Variants in CPLANE1 observed in about 807,000 individuals in gnomAD.
CPLANE1 encodes the protein ciliogenesis and planar polarity effector complex subunit 1, also known as ciliogenesis and planar polarity effector 1.
A neutral mutation model predicts 362.5 loss-of-function variants in CPLANE1; 263 were observed. The observed-to-expected ratio is 0.73, with a 90% CI of 0.66 to 0.80. CPLANE1 has a LOEUF of 0.80. CPLANE1 is among the 30% of genes least tolerant of loss of function. CPLANE1 has a pLI of 0.00. For synonymous variants in CPLANE1, 1,212 were observed against 1,302.6 expected (o/e 0.93, Z 1.50); for missense variants, 3,461 against 3,793.4 (o/e 0.91, Z 2.30).
chr5:37,147,867 A>G (rs780722810), intron 43 of CPLANE1, among the ~76,000 whole-genome samples: 7 of 151,092 alleles, frequency 4.6e-5, no homozygotes, highest in South Asian at 2.1e-4. Context: ...GCTCTGTGCA[A>G]TCCTCAGCAC....
At chr5:37,103,922 T>C (rs749319579), downstream of CPLANE1, among the ~76,000 whole-genome samples, 5 of 152,168 alleles carry the variant, frequency 3.3e-5, no homozygotes, top group African/African-American at 4.8e-5. Flanking sequence ...TCTTGCTAGG[T>C]TGGGGAAGTT....
chr5:37,198,743 A>T lies in CPLANE1; in HGVS notation c.3631T>A (p.Tyr1211Asn). 2 of 1,614,130 alleles carry T rather than the reference A, an allele frequency of 1.2e-6. No individual in the cohort carries two copies. Among genetic ancestry groups the T allele is most frequent in the Non-Finnish European group, 1.7e-6 (2 of 1,180,022 alleles). ...AQCSFPVAQW[Y>N]ILQLRWARKV... is the part of the protein sequence containing the mutation. ...CTTGCCCACCTCAACTGCAATATAT[A>T]CCACTGTGCTACAGGAAAAGAACAC... is the stretch of plus-strand genomic sequence containing the variant. The change falls in exon 20 of 53, where the codon TAT becomes AAT. Residue 1211 changes from tyrosine to asparagine, a missense_variant. Around this residue, in one of 2 missense-constraint regions of CPLANE1, gnomAD observed 3,380 missense variants for 3,666.1 expected, o/e 0.92. Transcript: ENST00000651892.
intron 8 of CPLANE1, among the ~76,000 whole-genome samples, chr5:37,236,914 A>T (rs557378488): frequency 6.6e-6 from 1 of 152,248 alleles, no homozygotes; most frequent in African/African-American, 2.4e-5. Context: ...AAAAAACAAC[A>T]TGTTGGCAAG....
chr5:37,115,414 A>C (rs968766410), intron 50 of CPLANE1, among the ~76,000 whole-genome samples: 1 of 152,144 alleles, frequency 6.6e-6, no homozygotes, highest in African/African-American at 2.4e-5. Context: ...CCGAATGATT[A>C]GTTTCTTAAA....
chr5:37,124,535 AG>A (rs540512487), intron 47 of CPLANE1, among the ~76,000 whole-genome samples: 94 of 152,196 alleles, frequency 6.2e-4, no homozygotes, highest in African/African-American at 2.2e-3. Context: ...AGAAAATTGA[AG>A]GGTTTTTTAT....
chr5:37,190,674 A>T (rs1217357117), intron 21 of CPLANE1, among the ~76,000 whole-genome samples: 2 of 152,246 alleles, frequency 1.3e-5, no homozygotes, highest in African/African-American at 4.8e-5. Flanking sequence ...TAGATAACAT[A>T]GTCAGATGCC....
intron 42 of CPLANE1, among the ~76,000 whole-genome samples, chr5:37,152,253 T>G (rs566511700): frequency 6.6e-6 from 1 of 152,198 alleles, no homozygotes; most frequent in East Asian, 1.9e-4. Context: ...AATAGCTTAC[T>G]GCAGCCTTGA....
chr5:37,181,791 G>A (rs954379648), intron 26 of CPLANE1, among the ~76,000 whole-genome samples: 4 of 151,964 alleles, frequency 2.6e-5, no homozygotes, highest in Non-Finnish European at 5.9e-5. Context: ...CTCCAGCCTG[G>A]GTGATAAAGC....
At chr5:37,159,030 C>T (rs1197351763) in intron 38 of CPLANE1, among the ~76,000 whole-genome samples, 9 of 151,172 alleles carry the variant, frequency 6.0e-5, no homozygotes, top group African/African-American at 1.5e-4. Flanking sequence ...GTGATCCGCC[C>T]GCCTCAGCCT....
intron 19 of CPLANE1, among the ~76,000 whole-genome samples, chr5:37,200,968 C>T (rs946237376): frequency 1.3e-5 from 2 of 152,120 alleles, no homozygotes; most frequent in African/African-American, 4.8e-5. Flanking sequence ...AGACTACAGG[C>T]ACATGCCACG....
the CPLANE1 span, among the ~76,000 whole-genome samples, chr5:37,084,100 G>A: frequency 2.8e-4 from 42 of 152,346 alleles, no homozygotes; most frequent in African/African-American, 8.9e-4. Context: ...AATCCTGCAA[G>A]CTAGAAAGGA....
chr5:37,092,195 T>C, the CPLANE1 span, among the ~76,000 whole-genome samples: 1 of 152,176 alleles, frequency 6.6e-6, no homozygotes, highest in African/African-American at 2.4e-5. Context: ...CTAGGAGGGA[T>C]AGATTTACCC....
At chr5:37,123,445 C>T (rs1232467976) in intron 47 of CPLANE1, among the ~76,000 whole-genome samples, 1 of 152,142 alleles carries the variant, frequency 6.6e-6, no homozygotes, top group African/African-American at 2.4e-5. Context: ...TAATCCCATC[C>T]CTTTACCCAA....
chr5:37,238,570 C>A (rs567389176), intron 8 of CPLANE1, among the ~76,000 whole-genome samples: 1 of 145,828 alleles, frequency 6.9e-6, no homozygotes, highest in East Asian at 2.1e-4. Context: ...TCATAGCTCA[C>A]TGCAGCCTCT....
intron 17 of CPLANE1, among the ~76,000 whole-genome samples, chr5:37,205,900 ATAAG>A (rs1790590300): frequency 6.6e-6 from 1 of 152,210 alleles, no homozygotes; most frequent in African/African-American, 2.4e-5. Context: ...TTTAACACAA[ATAAG>A]TAAGCCACTG....
At chr5:37,094,804 CT>C in the CPLANE1 span, among the ~76,000 whole-genome samples, 1 of 152,250 alleles carries the variant, frequency 6.6e-6, no homozygotes, top group East Asian at 1.9e-4. Context: ...ACTATGAACA[CT>C]TTTATGCACA....
At chr5:37,127,437 C>T (rs954081507) in intron 46 of CPLANE1, among the ~76,000 whole-genome samples, 4 of 152,010 alleles carry the variant, frequency 2.6e-5, no homozygotes, top group South Asian at 2.1e-4. Context: ...ACTAATATAC[C>T]GATGAATATT....
intron 20 of CPLANE1, 92 bp downstream of exon 20, chr5:37,198,610 C>T (rs1228292176): frequency 1.6e-6 from 2 of 1,272,022 alleles, no homozygotes; most frequent in African/African-American, 1.5e-5. Context: ...GGGCAGGACT[C>T]CTTGGGAAAA....
In CPLANE1 at chr5:37,201,819, C is replaced by A. The variant is rs749769847; in HGVS notation, c.3290-11G>T. ...CCTCTTCAATGGGATCTATCAAATA[C>A]AAAAATTTGGTAAAATAGTTAAAGC... On this transcript the variant is annotated splice_polypyrimidine_tract_variant and intron_variant, in intron 18 of 52. Transcript: ENST00000651892. 3.2e-6 allele frequency: 5 copies of A among 1,577,172 alleles called. No homozygotes were observed. Among genetic ancestry groups the A allele is most frequent in the Non-Finnish European group, 4.3e-6 (5 of 1,155,716 alleles).
Sources: allele counts gnomAD v4.1 joint callset (sites outside exome capture counted in the v4.1 genomes callset), GRCh38; gene constraint gnomAD v4.1.1; regional missense constraint gnomAD v4.1.1; transcripts MANE v1.5; gene names NCBI Gene and HGNC (gene_info 2026-07-23, HGNC 2026-07-21).